Variants in GALNT12 observed in about 807,000 individuals in gnomAD.
GALNT12 encodes the protein UDP-GalNAc:polypeptide N-acetylgalactosaminyltransferase 12.
In GALNT12, 45 loss-of-function variants were observed where a neutral mutation model predicts 55.5. The ratio of observed to expected loss-of-function variants is 0.81; its 90% CI spans 0.64 to 1.04. The LOEUF is 1.04. Ranked by LOEUF, GALNT12 falls within the 50% of genes least tolerant of loss-of-function variation. The probability of loss-of-function intolerance (pLI) is 0.00; values close to 1 mark genes in which losing one functional copy is unlikely to be tolerated. For missense variants in GALNT12, 709 were observed against 754.8 expected (o/e 0.94, Z 0.71); for synonymous variants, 304 against 312.2 (o/e 0.97, Z 0.28).
At position 98,807,758 on chromosome 9, in the gene GALNT12, G is replaced by A. The variant is rs1414017068; in HGVS notation, c.60G>A (p.Ala20=). 3.4e-6 allele frequency: 4 copies of A among 1,180,352 alleles called. No homozygotes were observed. Among genetic ancestry groups the A allele is most frequent in the Non-Finnish European group, 4.2e-6 (4 of 949,212 alleles). The allele number at this position is 1,180,352 out of a possible 1,614,324, so 73.1% of individuals were successfully genotyped here. A position where few individuals can be genotyped will look rare whatever the true frequency, so the allele number is the denominator to read the frequency against. Residue 20 remains alanine (A), a synonymous_variant, in exon 1 of 10, where the codon GCG becomes GCA. Coordinates refer to ENST00000375011, the MANE Select transcript of GALNT12 (RefSeq NM_024642.5). ...GGGAACTGCGGCGCGGCCGGGAGGC[G>A]CTGTTGGTGCTCCTGGCGCTACTGG... ...CPRELRRGRE[A]LLVLLALLAL... is the part of the protein sequence containing the mutation.
At chr9:98,847,350 G>A (rs1202956528) in intron 9 of GALNT12, 1 of 152,100 alleles carries the variant, frequency 6.6e-6, no homozygotes, top group Non-Finnish European at 1.5e-5. Context: ...ACACCATGGT[G>A]TTACCTATTG....
chr9:98,831,966 C>G lies in GALNT12; in HGVS notation c.917+9C>G, dbSNP rs770387683. 6.2e-7 allele frequency: 1 copy of G among 1,611,618 alleles called. No homozygotes were observed. Among genetic ancestry groups the G allele is most frequent in the Non-Finnish European group, 8.5e-7 (1 of 1,178,288 alleles). On this transcript the variant is annotated intron_variant, in intron 4 of 9. Transcript: ENST00000375011. ...CCCGTCGATGTCATCAGGTCAGGAGCTGACTTCTGGGTGACTTGTTTTTTA... is the reference window on the plus strand; with the variant it reads ...CCCGTCGATGTCATCAGGTCAGGAGGTGACTTCTGGGTGACTTGTTTTTTA...
chr9:98,818,435 G>A (rs530504971), intron 1 of GALNT12, among the ~76,000 whole-genome samples: 17 of 152,276 alleles, frequency 1.1e-4, no homozygotes, highest in African/African-American at 4.1e-4. Context: ...ACGTTGGTCA[G>A]GCTTGTCTCG....
At chr9:98,844,777 G>A (rs1836374908) in intron 8 of GALNT12, among the ~76,000 whole-genome samples, 2 of 152,132 alleles carry the variant, frequency 1.3e-5, no homozygotes, top group Non-Finnish European at 2.9e-5. Flanking sequence ...GTATCTGTCT[G>A]GGTGAAGGGC....
intron 1 of GALNT12, among the ~76,000 whole-genome samples, chr9:98,812,196 G>A (rs560411139): frequency 1.3e-5 from 2 of 152,134 alleles, no homozygotes; most frequent in South Asian, 2.1e-4. Context: ...GTTCAATTTC[G>A]GTTAGTATTT....
intron 3 of GALNT12, among the ~76,000 whole-genome samples, chr9:98,829,146 A>AT (rs1304521417): frequency 4.2e-4 from 60 of 142,838 alleles, no homozygotes; most frequent in African/African-American, 1.5e-3. Context: ...ACTCTTAGTA[A>AT]TTTTTTTTAT....
At chr9:98,831,644 G>T (rs932764716) in intron 3 of GALNT12, 128 bp from the exon 4 acceptor site, 1 of 1,058,272 alleles carries the variant, frequency 9.4e-7, no homozygotes, top group African/African-American at 1.6e-5. Flanking sequence ...AATAAGAGAA[G>T]CAGGTCTTTC....
chr9:98,820,409 T>A (rs1835709824), intron 1 of GALNT12, among the ~76,000 whole-genome samples: 1 of 152,168 alleles, frequency 6.6e-6, no homozygotes, highest in Non-Finnish European at 1.5e-5. Flanking sequence ...ATCCATGTCC[T>A]TGCAAAGGAC....
chr9:98,839,720 C>G (rs574910500), intron 6 of GALNT12, among the ~76,000 whole-genome samples: 1 of 152,328 alleles, frequency 6.6e-6, no homozygotes, highest in South Asian at 2.1e-4. Context: ...CTCCTTCACT[C>G]CATCAGCAGG....
intron 1 of GALNT12, among the ~76,000 whole-genome samples, chr9:98,821,518 A>G (rs777015748): frequency 3.3e-5 from 5 of 150,906 alleles, no homozygotes; most frequent in Non-Finnish European, 5.9e-5. Context: ...CCAGCTACTC[A>G]GGAGGCTGAG....
intron 1 of GALNT12, among the ~76,000 whole-genome samples, chr9:98,810,719 G>A (rs866751569): frequency 6.6e-6 from 1 of 152,086 alleles, no homozygotes; most frequent in South Asian, 2.1e-4. Flanking sequence ...TTAGAGTACT[G>A]GTCCTAATTC....
intron 1 of GALNT12, among the ~76,000 whole-genome samples, chr9:98,818,902 G>A (rs1350452983): frequency 6.6e-6 from 1 of 152,208 alleles, no homozygotes; most frequent in African/African-American, 2.4e-5. Context: ...TTATAGCCAA[G>A]ATGTCACTTG....
At chr9:98,825,834 G>A (rs1485383373) in intron 2 of GALNT12, among the ~76,000 whole-genome samples, 2 of 152,042 alleles carry the variant, frequency 1.3e-5, no homozygotes, top group Non-Finnish European at 1.5e-5. Flanking sequence ...AAGTAGCTAG[G>A]TGTGGTGGTG....
At chr9:98,814,361 A>C (rs1333796008) in intron 1 of GALNT12, among the ~76,000 whole-genome samples, 2 of 152,172 alleles carry the variant, frequency 1.3e-5, no homozygotes, top group Non-Finnish European at 2.9e-5. Context: ...AGAGGATATG[A>C]TTTGATTTTT....
In GALNT12 at chr9:98,807,891, A is replaced by G. The variant is rs1179298414; in HGVS notation, c.193A>G (p.Met65Val). The change falls in exon 1 of 10, where the codon ATG becomes GTG. Residue 65 changes from methionine to valine, a missense_variant. Met to Val is a conservative substitution (Grantham distance 21). Transcript: ENST00000375011. ...GCGCCCCGGGCGGCGCGAGCCGGTCATGCCGCGGCCGCCGGTGCCGGCGAA... is the reference window on the plus strand; with the variant it reads ...GCGCCCCGGGCGGCGCGAGCCGGTCGTGCCGCGGCCGCCGGTGCCGGCGAA... Reference protein sequence around the residue: ...TPRPGRREPVMPRPPVPANAL... With the variant: ...TPRPGRREPVVPRPPVPANAL... 3 of 1,133,826 alleles carry G rather than the reference A, an allele frequency of 2.6e-6. No individual in the cohort carries two copies. The East Asian group carries it at 1.3e-4, about 49-fold the overall frequency. 70.2% of individuals were successfully genotyped at this position (1,133,826 alleles called of 1,614,324 possible).
chr9:98,846,195 T>C (rs1284671202), intron 9 of GALNT12, 72 bp downstream of exon 9: 10 of 1,566,284 alleles, frequency 6.4e-6, no homozygotes, highest in Non-Finnish European at 8.8e-6. Flanking sequence ...AGTCAGACGT[T>C]CTCTCTGGCA....
At chr9:98,819,299 A>G (rs905142802) in intron 1 of GALNT12, among the ~76,000 whole-genome samples, 1 of 152,156 alleles carries the variant, frequency 6.6e-6, no homozygotes, top group African/African-American at 2.4e-5. Flanking sequence ...CTGGAGCACA[A>G]AGCCTTCCAC....
intron 9 of GALNT12, among the ~76,000 whole-genome samples, chr9:98,846,856 CAA>C (rs757918355): frequency 1.4e-4 from 15 of 109,226 alleles, no homozygotes; most frequent in African/African-American, 1.8e-4. Context: ...GACTCCGTCT[CAA>C]AAAAAAAAAA....
intron 2 of GALNT12, among the ~76,000 whole-genome samples, chr9:98,824,468 G>A (rs1040075712): frequency 2.6e-5 from 4 of 152,200 alleles, no homozygotes; most frequent in Admixed American, 6.5e-5. Context: ...TGAGCAGAGC[G>A]TGGTTGCCTG....
Sources: allele counts gnomAD v4.1 joint callset (sites outside exome capture counted in the v4.1 genomes callset), GRCh38; gene constraint gnomAD v4.1.1; transcripts MANE v1.5; gene names NCBI Gene and HGNC (gene_info 2026-07-23, HGNC 2026-07-21).